MCF2L2: variants seen among roughly 807,000 people sequenced by gnomAD.
MCF2L2 encodes probable guanine nucleotide exchange factor MCF2L2.
Under a neutral mutation model 150.2 loss-of-function variants are expected in MCF2L2, and 102 were observed. That is an observed-to-expected ratio of 0.68 (90% CI 0.58 to 0.80). The LOEUF (loss-of-function observed/expected upper bound fraction) is 0.80. MCF2L2 is among the 30% of genes least tolerant of loss of function. The pLI is 0.00. For missense variants in MCF2L2, 1,256 were observed against 1,372.8 expected (o/e 0.91, Z 1.34); for synonymous variants, 465 against 491.3 (o/e 0.95, Z 0.71).
intron 1 of MCF2L2, among the ~76,000 whole-genome samples, chr3:183,408,090 C>T (rs1268638952): frequency 6.7e-6 from 1 of 149,974 alleles, no homozygotes; most frequent in Non-Finnish European, 1.5e-5. Flanking sequence ...GCTCTCCCAT[C>T]TTCGGAAAAT....
chr3:183,224,391 G>A, intron 18 of MCF2L2: 1 of 526,710 alleles, frequency 1.9e-6, no homozygotes, highest in Non-Finnish European at 3.4e-6. Context: ...ATAACTACCA[G>A]ACATAGATAG....
chr3:183,410,288 T>C (rs1715256390), intron 1 of MCF2L2, among the ~76,000 whole-genome samples: 1 of 152,212 alleles, frequency 6.6e-6, no homozygotes, highest in Non-Finnish European at 1.5e-5. Context: ...ATATTGGCAA[T>C]TGATCAAGCA....
At chr3:183,413,476 C>G (rs890930564) in intron 1 of MCF2L2, among the ~76,000 whole-genome samples, 2 of 152,188 alleles carry the variant, frequency 1.3e-5, no homozygotes, top group Non-Finnish European at 2.9e-5. Context: ...CACAGCTCCC[C>G]CAGGGCTAAA....
intron 1 of MCF2L2, among the ~76,000 whole-genome samples, chr3:183,405,587 G>C (rs969753118): frequency 4.6e-5 from 7 of 152,094 alleles, no homozygotes; most frequent in African/African-American, 1.7e-4. Flanking sequence ...CTTTATCTTA[G>C]CATAATATAT....
intron 14 of MCF2L2, among the ~76,000 whole-genome samples, chr3:183,281,796 G>A (rs1479910572): frequency 6.6e-6 from 1 of 152,020 alleles, no homozygotes; most frequent in Non-Finnish European, 1.5e-5. Context: ...ACAAGCCTCA[G>A]TGTTCCTGAG....
intron 3 of MCF2L2, among the ~76,000 whole-genome samples, chr3:183,368,275 T>C (rs1577097475): frequency 6.6e-6 from 1 of 152,202 alleles, no homozygotes; most frequent in Admixed American, 6.5e-5. Flanking sequence ...AGTGATTCTG[T>C]TGTGTCCTAA....
chr3:183,367,682 G>A (rs1712621089), intron 3 of MCF2L2, among the ~76,000 whole-genome samples: 1 of 152,166 alleles, frequency 6.6e-6, no homozygotes, highest in South Asian at 2.1e-4. Context: ...ACACGTGGTA[G>A]AAAATCAACA....
At chr3:183,325,723 A>C (rs188526453) in intron 5 of MCF2L2, among the ~76,000 whole-genome samples, 1 of 152,216 alleles carries the variant, frequency 6.6e-6, no homozygotes, top group Non-Finnish European at 1.5e-5. Flanking sequence ...TCAGAAACCT[A>C]TCCTGCCAGG....
intron 2 of MCF2L2, among the ~76,000 whole-genome samples, chr3:183,385,617 C>T (rs1414161349): frequency 6.6e-6 from 1 of 152,134 alleles, no homozygotes; most frequent in Non-Finnish European, 1.5e-5. Flanking sequence ...ATTCAGTTCA[C>T]AATAATTCCA....
chr3:183,220,065 AG>A (rs1247981000), intron 20 of MCF2L2, 141 bp from the exon 21 acceptor site: 1 of 642,572 alleles, frequency 1.6e-6, no homozygotes, highest in Non-Finnish European at 2.8e-6. Flanking sequence ...TAAGAGGGAA[AG>A]AATAAATGAT....
chr3:183,306,639 C>T (rs1174792880), intron 10 of MCF2L2, among the ~76,000 whole-genome samples: 1 of 152,058 alleles, frequency 6.6e-6, no homozygotes, highest in Non-Finnish European at 1.5e-5. Flanking sequence ...GGGAGGTGGG[C>T]CAGATGAAAC....
At chr3:183,406,801 T>C (rs1715067614) in intron 1 of MCF2L2, among the ~76,000 whole-genome samples, 1 of 152,120 alleles carries the variant, frequency 6.6e-6, no homozygotes, top group Non-Finnish European at 1.5e-5. Context: ...TTCACAAATC[T>C]TTTTTCCCCA....
chr3:183,296,770 T>C, intron 12 of MCF2L2: 2 of 548,550 alleles, frequency 3.6e-6, no homozygotes, highest in Admixed American at 3.2e-5. Context: ...AATAGAGAAA[T>C]GACTGATTTG....
chr3:183,184,650 T>C (rs1356138276), intron 27 of MCF2L2, among the ~76,000 whole-genome samples: 1 of 152,254 alleles, frequency 6.6e-6, no homozygotes, highest in Non-Finnish European at 1.5e-5. Flanking sequence ...CTTTTTTATT[T>C]TGCTTAAACA....
chr3:183,186,388 G>C (rs1721694636), intron 27 of MCF2L2, among the ~76,000 whole-genome samples: 1 of 152,042 alleles, frequency 6.6e-6, no homozygotes, highest in East Asian at 1.9e-4. Flanking sequence ...CAAATAGCTA[G>C]GATTACAGAC....
chr3:183,292,836 C>T (rs1261275411), intron 13 of MCF2L2, among the ~76,000 whole-genome samples: 1 of 151,766 alleles, frequency 6.6e-6, no homozygotes, highest in East Asian at 1.9e-4. Context: ...TATGGTAATC[C>T]CCAGTCTGGT....
intron 1 of MCF2L2, among the ~76,000 whole-genome samples, chr3:183,409,905 C>G (rs1484189677): frequency 1.8e-5 from 2 of 112,342 alleles, no homozygotes; most frequent in Non-Finnish European, 3.6e-5. Flanking sequence ...CTTTCCCAAT[C>G]TCTTAACTCC....
intron 21 of MCF2L2, 152 bp from the exon 22 acceptor site, chr3:183,216,246 G>A: frequency 2.4e-6 from 2 of 825,936 alleles, no homozygotes; most frequent in Non-Finnish European, 3.8e-6. Flanking sequence ...AAAGCATGGT[G>A]GCTAAAGATG....
Position 183,207,779 on chromosome 3 carries a change from G to A in MCF2L2, c.2541C>T (p.Phe847=). ...GATCCTTGTGAATTGTCCAGACGCT[G>A]AAAGGGCCGTGCAGCAACAGCTTGC... is the stretch of plus-strand genomic sequence containing the variant. ...KLGKLLLHGP[F]SVWTIHKDRY... Residue 847 remains phenylalanine, a synonymous_variant, in exon 23 of 30, where the codon TTC becomes TTT. Coordinates refer to ENST00000328913, the MANE Select transcript of MCF2L2 (RefSeq NM_015078.4). 3.1e-6 allele frequency: 5 copies of A among 1,614,224 alleles called. No individual in the cohort carries two copies. In the Middle Eastern group the frequency reaches 8.2e-4, roughly 266 times the overall value.
Sources: allele counts gnomAD v4.1 joint callset (sites outside exome capture counted in the v4.1 genomes callset), GRCh38; gene constraint gnomAD v4.1.1; transcripts MANE v1.5; gene names NCBI Gene and HGNC (gene_info 2026-07-23, HGNC 2026-07-21).